Variants in HYKK observed in about 807,000 individuals in gnomAD.
HYKK encodes the protein 5-hydroxy-L-lysine kinase.
Under a neutral mutation model 29.7 loss-of-function variants are expected in HYKK, and 19 were observed. The ratio of observed to expected loss-of-function variants is 0.64; its 90% CI spans 0.45 to 0.94. The LOEUF (loss-of-function observed/expected upper bound fraction) is 0.94, where lower values mean the gene tolerates loss of function less well. Among genes scored for constraint, HYKK ranks in the 40% least tolerant of loss-of-function variants. The probability of loss-of-function intolerance (pLI) is 0.00; values close to 1 mark genes in which losing one functional copy is unlikely to be tolerated. For synonymous variants in HYKK, 152 were observed against 158.1 expected, an observed-to-expected ratio of 0.96 and a Z score of 0.29; for missense variants, 390 against 443.4, an observed-to-expected ratio of 0.88 and a Z score of 1.08.
intron 3 of HYKK, among the ~76,000 whole-genome samples, chr15:78,520,282 G>A (rs552703197): frequency 2.6e-5 from 4 of 151,206 alleles, no homozygotes; most frequent in South Asian, 2.1e-4. Context: ...GGTGTTTCTC[G>A]CAGAGGGGGA....
At chr15:78,530,857 G>A (rs560445627) in intron 4 of HYKK, among the ~76,000 whole-genome samples, 2 of 151,216 alleles carry the variant, frequency 1.3e-5, no homozygotes, top group African/African-American at 2.4e-5. Flanking sequence ...TCCTGTTTTG[G>A]TTTTTTTTGT....
At chr15:78,528,731 G>A (rs1791868334) in intron 4 of HYKK, 2 of 399,770 alleles carry the variant, frequency 5.0e-6, no homozygotes, top group African/African-American at 2.2e-5. Context: ...GAACCCTAGA[G>A]GTGGAGGTTG....
chr15:78,515,064 A>G lies in HYKK; in HGVS notation c.434A>G (p.Tyr145Cys). The G allele has an allele frequency of 1.9e-6, 3 of 1,599,556 alleles. No individual in the cohort carries two copies. Among genetic ancestry groups the G allele is most frequent in the Non-Finnish European group, 2.6e-6 (3 of 1,172,102 alleles). Residue 145 changes from tyrosine to cysteine, a missense_variant, in exon 3 of 5, where the codon TAT (tyrosine) becomes TGT (cysteine). Tyr to Cys is a radical substitution (Grantham distance 194, BLOSUM62 -2). Transcript: ENST00000388988. ...CTTCCCGTCAGCCCCCAGCTATTGT[A>G]TGAAATTGGAAAACTAGCTGCCAAA... The part of the protein sequence containing the change: ...AELPVSPQLL[Y>C]EIGKLAAKLD...
At chr15:78,526,830 G>T (rs2052259109) in intron 3 of HYKK, among the ~76,000 whole-genome samples, 1 of 152,176 alleles carries the variant, frequency 6.6e-6, no homozygotes, top group African/African-American at 2.4e-5. Context: ...ACTATTTTGT[G>T]AGTTAAAGTA....
intron 4 of HYKK, 122 bp downstream of exon 4, chr15:78,527,685 C>G (rs2052269705): frequency 7.0e-7 from 1 of 1,433,626 alleles, no homozygotes. Flanking sequence ...ATATTTGCTC[C>G]TATTGCTTTT....
intron 1 of HYKK, 71 bp from the exon 2 acceptor site, chr15:78,513,013 T>G: frequency 4.9e-6 from 4 of 822,120 alleles, no homozygotes; most frequent in Non-Finnish European, 7.9e-6. Context: ...TGGTCTGTCT[T>G]GAGAAAAATC....
chr15:78,524,154 T>G (rs533834358), intron 3 of HYKK, among the ~76,000 whole-genome samples: 4 of 152,360 alleles, frequency 2.6e-5, no homozygotes, highest in African/African-American at 9.6e-5. Context: ...GTAGAGTTTC[T>G]CCATGAGGGC....
chr15:78,510,244 G>T (rs9788682), intron 1 of HYKK, among the ~76,000 whole-genome samples: 181 of 151,250 alleles, frequency 1.2e-3, no homozygotes, highest in African/African-American at 2.8e-3. Flanking sequence ...GTGAAGTGAC[G>T]CAGTCTCATC....
intron 3 of HYKK, among the ~76,000 whole-genome samples, chr15:78,526,512 G>T (rs1290770505): frequency 6.6e-6 from 1 of 152,194 alleles, no homozygotes; most frequent in African/African-American, 2.4e-5. Flanking sequence ...TAACCATGTG[G>T]ATATCTGGTG....
chr15:78,533,051 A>T (rs1024674732), intron 4 of HYKK, among the ~76,000 whole-genome samples, 159 bp from the exon 5 acceptor site: 3 of 152,222 alleles, frequency 2.0e-5, no homozygotes, highest in African/African-American at 7.2e-5. Flanking sequence ...AACTGCTTTT[A>T]TTCTTTTCAG....
Position 78,535,498 on chromosome 15 carries a change from A to G in HYKK, c.*1828A>G, listed in dbSNP as rs1596037341. ...TAATAGAGTTCATTGTGAAGATTTCATAAGAGAACAGTGCCAAGTGCTTAA... is the reference window on the plus strand; with the variant it reads ...TAATAGAGTTCATTGTGAAGATTTCGTAAGAGAACAGTGCCAAGTGCTTAA... On this transcript the variant is annotated 3_prime_UTR_variant, in exon 5 of 5. Transcript: ENST00000388988. 1 of 152,054 alleles carries G rather than the reference A, an allele frequency of 6.6e-6. No homozygotes were observed. 9.4% of individuals were successfully genotyped at this position (152,054 alleles called of 1,614,324 possible). A position where few individuals can be genotyped will look rare whatever the true frequency, so the allele number is the denominator to read the frequency against.
At chr15:78,519,675 C>A (rs963656866) in intron 3 of HYKK, among the ~76,000 whole-genome samples, 1 of 152,130 alleles carries the variant, frequency 6.6e-6, no homozygotes, top group Non-Finnish European at 1.5e-5. Flanking sequence ...CAAAGAGAAT[C>A]ACTTGAACCC....
chr15:78,516,343 C>CTTTTTTTT (rs575124681), intron 3 of HYKK, among the ~76,000 whole-genome samples: 1 of 115,954 alleles, frequency 8.6e-6, no homozygotes. Context: ...AAGGGTTGGT[C>CTTTTTTTT]TTTTTTTTTT....
chr15:78,520,469 G>C (rs2052181359), intron 3 of HYKK, among the ~76,000 whole-genome samples: 1 of 152,122 alleles, frequency 6.6e-6, no homozygotes, highest in Admixed American at 6.6e-5. Context: ...TCAAGCATCT[G>C]TTTAAGAAAG....
At chr15:78,527,302 A>AG in intron 3 of HYKK, 78 bp from the exon 4 acceptor site, 1 of 1,263,010 alleles carries the variant, frequency 7.9e-7, no homozygotes, top group Non-Finnish European at 1.1e-6. Context: ...AAAAAAAAAA[A>AG]AAATGTGCAG....
At chr15:78,519,206 C>T (rs2052166594) in intron 3 of HYKK, among the ~76,000 whole-genome samples, 1 of 152,160 alleles carries the variant, frequency 6.6e-6, no homozygotes, top group African/African-American at 2.4e-5. Context: ...AGACCTTTTT[C>T]TATACTTACA....
chr15:78,520,861 CG>C (rs1475484305), intron 3 of HYKK, among the ~76,000 whole-genome samples: 1 of 147,958 alleles, frequency 6.8e-6, no homozygotes, highest in Non-Finnish European at 1.5e-5. Context: ...GCTGGCCGGG[CG>C]GGGGGCTGAC....
rs1451661946 is a variant in HYKK, at chr15:78,535,242, C to A, written c.*1572C>A. 3 of 149,474 alleles carry A rather than the reference C, an allele frequency of 2.0e-5. No homozygotes were observed. The highest frequency in any genetic ancestry group is 2.0e-4 in the East Asian group (1 of 5,096). 9.3% of individuals were successfully genotyped at this position (149,474 alleles called of 1,614,324 possible). ...GTCTTATATGGTTCATTTTTCACTTCTTTGTCCCTCAATTTCATTTCATTT... is the reference window on the plus strand; with the variant it reads ...GTCTTATATGGTTCATTTTTCACTTATTTGTCCCTCAATTTCATTTCATTT... On this transcript the variant is annotated 3_prime_UTR_variant, in exon 5 of 5. Coordinates refer to ENST00000388988, the MANE Select transcript of HYKK (RefSeq NM_001013619.4).
intron 3 of HYKK, among the ~76,000 whole-genome samples, chr15:78,520,772 TG>T (rs2052185441): frequency 6.6e-6 from 1 of 151,468 alleles, no homozygotes; most frequent in Admixed American, 6.6e-5. Context: ...CCAGATGGGG[TG>T]GTGGCCGGGC....
Sources: gnomAD v4.1 joint callset for allele counts (sites outside exome capture counted in the v4.1 genomes callset) on GRCh38, gnomAD v4.1.1 for gene constraint, MANE v1.5 for transcripts, NCBI Gene and HGNC (gene_info 2026-07-23, HGNC 2026-07-21) for gene names.